Variants in VAV3 observed in about 807,000 individuals in gnomAD.
The protein encoded by VAV3 is vav guanine nucleotide exchange factor 3.
A neutral mutation model predicts 131.2 loss-of-function variants in VAV3; 94 were observed. The ratio of observed to expected loss-of-function variants is 0.72; its 90% CI spans 0.61 to 0.85. The LOEUF (loss-of-function observed/expected upper bound fraction) is 0.85, where lower values mean the gene tolerates loss of function less well. Among genes scored for constraint, VAV3 ranks in the 40% least tolerant of loss-of-function variants. The pLI, the probability that VAV3 is intolerant of heterozygous loss-of-function variation, is 0.00. For missense variants in VAV3, 939 were observed against 1,002.7 expected (o/e 0.94, Z 0.86); for synonymous variants, 349 against 342.0 (o/e 1.02, Z -0.22).
intron 2 of VAV3, among the ~76,000 whole-genome samples, chr1:107,794,118 G>A (rs1666430197): frequency 6.6e-6 from 1 of 152,246 alleles, no homozygotes; most frequent in Admixed American, 6.5e-5. Flanking sequence ...GACAATGGTT[G>A]AAAACTGACC....
At chr1:107,714,130 C>A (rs184319073) in intron 15 of VAV3, among the ~76,000 whole-genome samples, 11 of 152,108 alleles carry the variant, frequency 7.2e-5, no homozygotes, top group Admixed American at 4.6e-4. Flanking sequence ...CCAAAGGAGA[C>A]CTGAAGCTGT....
chr1:107,964,047 C>G (rs1181499310), intron 1 of VAV3, among the ~76,000 whole-genome samples: 2 of 152,210 alleles, frequency 1.3e-5, no homozygotes, highest in African/African-American at 4.8e-5. Context: ...TGGACTCGCT[C>G]CTTCTCACAT....
At chr1:107,757,096 G>A (rs1384407065) in intron 11 of VAV3, among the ~76,000 whole-genome samples, 165 bp downstream of exon 11, 2 of 150,792 alleles carry the variant, frequency 1.3e-5, no homozygotes, top group African/African-American at 4.9e-5. Flanking sequence ...ACATAGGCAT[G>A]TCATAATATT....
intron 1 of VAV3, among the ~76,000 whole-genome samples, chr1:107,907,241 G>T (rs1255357208): frequency 6.6e-6 from 1 of 152,152 alleles, no homozygotes; most frequent in East Asian, 1.9e-4. Context: ...TCAAAAAGAT[G>T]CAGAGCAAAT....
intron 19 of VAV3, chr1:107,673,559 G>A (rs537218355): frequency 2.0e-5 from 3 of 152,246 alleles, no homozygotes; most frequent in East Asian, 1.9e-4. Context: ...TATACCCTCT[G>A]TATCTCCCTG....
chr1:107,601,293 G>A (rs1651842381), intron 24 of VAV3, among the ~76,000 whole-genome samples: 2 of 152,078 alleles, frequency 1.3e-5, no homozygotes, highest in Admixed American at 1.3e-4. Context: ...CTTTTGAACT[G>A]GGAATGATCT....
chr1:107,601,362 A>C (rs1651848351), intron 24 of VAV3, among the ~76,000 whole-genome samples: 1 of 152,172 alleles, frequency 6.6e-6, no homozygotes, highest in Admixed American at 6.5e-5. Flanking sequence ...AATTTCTTTA[A>C]AACACTGACA....
intron 2 of VAV3, among the ~76,000 whole-genome samples, chr1:107,818,574 T>C (rs781288568): frequency 1.2e-4 from 19 of 152,080 alleles, no homozygotes; most frequent in Non-Finnish European, 2.1e-4. Context: ...AAACTAAAGG[T>C]ATACATACCC....
At chr1:107,870,567 T>C (rs1330581002) in intron 2 of VAV3, among the ~76,000 whole-genome samples, 1 of 152,138 alleles carries the variant, frequency 6.6e-6, no homozygotes, top group Admixed American at 6.6e-5. Flanking sequence ...TTGTGAAGAA[T>C]TTCTCCTACT....
chr1:107,733,238 C>T lies in VAV3; in HGVS notation c.1502+15730G>A, dbSNP rs1490799365. Among the ~76,000 whole-genome samples, 3 of 152,154 alleles carry T rather than the reference C, an allele frequency of 2.0e-5. No homozygotes were observed. The East Asian group carries it at 5.8e-4, about 29-fold the overall frequency. ...CACCAAAACCCCATTTGTAGGTCAC[C>T]ATCATCAAAGACCAAAGGTAGATAA... On this transcript the variant is annotated intron_variant, in intron 15 of 26. Coordinates refer to ENST00000370056, the MANE Select transcript of VAV3 (RefSeq NM_006113.5).
chr1:107,595,385 C>T (rs544930963), intron 25 of VAV3, among the ~76,000 whole-genome samples: 52 of 151,156 alleles, frequency 3.4e-4, no homozygotes, highest in Non-Finnish European at 6.3e-4. Context: ...TATATTAAAC[C>T]GACGCAAATT....
chr1:107,606,128 G>A (rs1652249965), intron 22 of VAV3, among the ~76,000 whole-genome samples: 2 of 151,900 alleles, frequency 1.3e-5, no homozygotes, highest in African/African-American at 2.4e-5. Context: ...AACATACACA[G>A]GATGTAACAC....
intron 12 of VAV3, among the ~76,000 whole-genome samples, chr1:107,752,253 A>G (rs1334065894): frequency 6.6e-6 from 1 of 152,240 alleles, no homozygotes; most frequent in Non-Finnish European, 1.5e-5. Context: ...TAGCCTTTTC[A>G]ACAAATGGTG....
At chr1:107,847,524 C>T (rs1669025007) in intron 2 of VAV3, among the ~76,000 whole-genome samples, 1 of 151,674 alleles carries the variant, frequency 6.6e-6, no homozygotes, top group African/African-American at 2.4e-5. Flanking sequence ...GACCGCTAGC[C>T]ACACTAATAA....
intron 21 of VAV3, among the ~76,000 whole-genome samples, chr1:107,617,278 G>C (rs1287134635): frequency 1.3e-5 from 2 of 152,086 alleles, no homozygotes; most frequent in Non-Finnish European, 2.9e-5. Flanking sequence ...GGGGAAACCT[G>C]TACAATGCGT....
At chr1:107,918,255 T>C (rs1379209256) in intron 1 of VAV3, among the ~76,000 whole-genome samples, 1 of 151,966 alleles carries the variant, frequency 6.6e-6, no homozygotes, top group Non-Finnish European at 1.5e-5. Context: ...TATTACAGAA[T>C]GAGATGAAAA....
chr1:107,955,220 G>A (rs909097674), intron 1 of VAV3, among the ~76,000 whole-genome samples: 49 of 152,272 alleles, frequency 3.2e-4, no homozygotes, highest in African/African-American at 1.1e-3. Flanking sequence ...GTCACTTTCT[G>A]AGAGTCACTC....
intron 12 of VAV3, among the ~76,000 whole-genome samples, chr1:107,752,457 G>A (rs945324373): frequency 2.6e-5 from 4 of 152,126 alleles, no homozygotes; most frequent in Non-Finnish European, 4.4e-5. Context: ...TTGATAAATG[G>A]GACTTTGTCA....
chr1:107,643,847 A>G (rs955749141), intron 19 of VAV3, among the ~76,000 whole-genome samples: 3 of 152,160 alleles, frequency 2.0e-5, no homozygotes, highest in Non-Finnish European at 2.9e-5. Flanking sequence ...TAAACTGAAC[A>G]GACTAGAAAA....
Sources: gnomAD v4.1 joint callset for allele counts (sites outside exome capture counted in the v4.1 genomes callset) on GRCh38, gnomAD v4.1.1 for gene constraint, MANE v1.5 for transcripts, NCBI Gene and HGNC (gene_info 2026-07-23, HGNC 2026-07-21) for gene names.